TUSC3: variants seen among roughly 807,000 people sequenced by gnomAD.
TUSC3 encodes tumor suppressor candidate 3, also known as dolichyl-diphosphooligosaccharide--protein glycosyltransferase subunit TUSC3.
A neutral mutation model predicts 44.8 loss-of-function variants in TUSC3; 45 were observed. That is an observed-to-expected ratio of 1.00 (90% CI 0.79 to 1.29). TUSC3 has a LOEUF of 1.29. Ranked by LOEUF, TUSC3 falls within the 50% of genes most tolerant of loss-of-function variation. TUSC3 has a pLI of 0.00. For missense variants in TUSC3, 519 were observed against 437.9 expected, an observed-to-expected ratio of 1.19 and a Z score of -1.65; for synonymous variants, 212 against 152.9, an observed-to-expected ratio of 1.39 and a Z score of -2.85.
downstream of TUSC3, among the ~76,000 whole-genome samples, chr8:15,771,129 C>T (rs1329234507): frequency 1.3e-5 from 2 of 152,114 alleles, no homozygotes; most frequent in Non-Finnish European, 2.9e-5. Context: ...AACCATCGGC[C>T]AAGAATTCTG....
chr8:15,512,270 C>G (rs10087657), intron 2 of TUSC3, among the ~76,000 whole-genome samples: 1 of 152,112 alleles, frequency 6.6e-6, no homozygotes, highest in Admixed American at 6.5e-5. Flanking sequence ...AAGCAGGTTA[C>G]TCACCATAAC....
intron 2 of TUSC3, among the ~76,000 whole-genome samples, chr8:15,648,323 A>T (rs1404584474): frequency 6.6e-6 from 1 of 152,084 alleles, no homozygotes. Context: ...TTCCGTGAAT[A>T]CCCATGAACA....
At chr8:15,471,137 TA>T (rs1360985722) in intron 1 of TUSC3, among the ~76,000 whole-genome samples, 2 of 150,326 alleles carry the variant, frequency 1.3e-5, no homozygotes, top group Non-Finnish European at 3.0e-5. Context: ...TTCTTTGATT[TA>T]ATTCCCCAGC....
chr8:15,716,402 A>C (rs955013335), intron 6 of TUSC3, among the ~76,000 whole-genome samples: 1 of 152,170 alleles, frequency 6.6e-6, no homozygotes, highest in Non-Finnish European at 1.5e-5. Context: ...AAAGTTGTTC[A>C]GTAAGTATGA....
intron 1 of TUSC3, among the ~76,000 whole-genome samples, chr8:15,440,880 G>A (rs539830340): frequency 6.6e-6 from 1 of 152,274 alleles, no homozygotes; most frequent in South Asian, 2.1e-4. Flanking sequence ...CAGATAGAGA[G>A]CTTGCTTGAG....
At chr8:15,624,350 G>A (rs553041974) in intron 2 of TUSC3, among the ~76,000 whole-genome samples, 11 of 152,232 alleles carry the variant, frequency 7.2e-5, no homozygotes, top group Admixed American at 6.5e-4. Context: ...GTGGTGGTTA[G>A]GTTGTGTGGT....
rs146718595 is a variant in TUSC3 at position 15,694,435 on chromosome 8, CAAAAAAAAAAAA to C, written c.798+20613_798+20624del. ...TGAGCAACAAGACGGAAACTCCATCCAAAAAAAAAAAAAAAAAAAAAAAAAGATTGTTGGGGA... is the reference window on the plus strand; with the variant it reads ...TGAGCAACAAGACGGAAACTCCATCCAAAAAAAAAAAAAGATTGTTGGGGA... On this transcript the variant is annotated intron_variant, in intron 6 of 10. Transcript: ENST00000503731. Among the ~76,000 whole-genome samples the C allele has an allele frequency of 1.6e-4, 13 of 83,214 alleles. No homozygotes were observed. The East Asian group carries it at 2.2e-3, about 14-fold the overall frequency. 54.6% of individuals were successfully genotyped at this position (83,214 alleles called of 152,430 possible).
intron 1 of TUSC3, among the ~76,000 whole-genome samples, chr8:15,548,596 G>A (rs984684650): frequency 2.0e-5 from 3 of 151,832 alleles, no homozygotes; most frequent in African/African-American, 7.2e-5. Flanking sequence ...TTGATGACAT[G>A]TCTTAGCCTT....
At chr8:15,576,122 G>A (rs567821589) in intron 1 of TUSC3, among the ~76,000 whole-genome samples, 4 of 151,680 alleles carry the variant, frequency 2.6e-5, no homozygotes, top group South Asian at 4.2e-4. Context: ...TCTTGTTAAA[G>A]CAATGAATCA....
At chr8:15,838,191 G>T in the TUSC3 span, among the ~76,000 whole-genome samples, 1 of 152,064 alleles carries the variant, frequency 6.6e-6, no homozygotes, top group Non-Finnish European at 1.5e-5. Context: ...TTTTGTTATT[G>T]TAAGCAAGAA....
intron 1 of TUSC3, among the ~76,000 whole-genome samples, chr8:15,432,766 G>A (rs1016653619): frequency 1.3e-5 from 2 of 151,774 alleles, no homozygotes; most frequent in Non-Finnish European, 2.9e-5. Context: ...ACCCCACTTA[G>A]GTGAGGCAGG....
chr8:15,431,345 C>G (rs542166711), intron 1 of TUSC3, among the ~76,000 whole-genome samples: 1 of 151,732 alleles, frequency 6.6e-6, no homozygotes, highest in South Asian at 2.1e-4. Context: ...CTATTTGTGT[C>G]TTCAATTTAT....
intron 5 of TUSC3, among the ~76,000 whole-genome samples, chr8:15,669,031 A>G (rs1393581384): frequency 1.3e-5 from 2 of 151,642 alleles, no homozygotes; most frequent in Non-Finnish European, 3.0e-5. Flanking sequence ...GACCCACTGG[A>G]CTCTTATTGG....
chr8:15,826,765 AAAAG>A, the TUSC3 span, among the ~76,000 whole-genome samples: 1 of 152,294 alleles, frequency 6.6e-6, no homozygotes, highest in South Asian at 2.1e-4. Context: ...TGAGGGAAAA[AAAAG>A]AGAACTCTTC....
At chr8:15,589,445 G>A (rs573082080) in intron 1 of TUSC3, among the ~76,000 whole-genome samples, 3 of 152,214 alleles carry the variant, frequency 2.0e-5, no homozygotes, top group Non-Finnish European at 2.9e-5. Context: ...TGATCAATTC[G>A]AAACATAAAG....
intron 2 of TUSC3, among the ~76,000 whole-genome samples, chr8:15,517,343 G>T (rs963825451): frequency 1.3e-5 from 2 of 151,790 alleles, no homozygotes; most frequent in Non-Finnish European, 2.9e-5. Context: ...ACCTCATCAC[G>T]CTGAATTACA....
chr8:15,610,837 G>A (rs990936539), intron 1 of TUSC3, among the ~76,000 whole-genome samples: 46 of 152,060 alleles, frequency 3.0e-4, no homozygotes, highest in African/African-American at 1.1e-3. Flanking sequence ...GATGCTCTCC[G>A]GGGTACAAAG....
chr8:15,513,001 A>C (rs1433792563), intron 2 of TUSC3, among the ~76,000 whole-genome samples: 1 of 144,780 alleles, frequency 6.9e-6, no homozygotes, highest in Non-Finnish European at 1.5e-5. Context: ...ACATAAGTCA[A>C]ATTTTTTTCC....
chr8:15,754,436 C>G (rs55706278), intron 9 of TUSC3, among the ~76,000 whole-genome samples: 4,834 of 152,214 alleles, frequency 0.032, 79 homozygotes, highest in East Asian at 0.047. Context: ...TTGCAGAGAT[C>G]AACTGCTAGT....
Sources: gnomAD v4.1 joint callset for allele counts (sites outside exome capture counted in the v4.1 genomes callset) on GRCh38, gnomAD v4.1.1 for gene constraint, MANE v1.5 for transcripts, NCBI Gene and HGNC (gene_info 2026-07-23, HGNC 2026-07-21) for gene names.